Variants in FKBP9 observed in about 807,000 individuals in gnomAD.
FKBP9 encodes the protein FKBP prolyl isomerase 9.
A neutral mutation model predicts 55.6 loss-of-function variants in FKBP9; 27 were observed. The observed-to-expected ratio is 0.49, with a 90% CI of 0.36 to 0.67. The LOEUF (loss-of-function observed/expected upper bound fraction) is 0.67, where lower values mean the gene tolerates loss of function less well. Among genes scored for constraint, FKBP9 ranks in the 30% least tolerant of loss-of-function variants. The probability of loss-of-function intolerance (pLI) is 0.00; values close to 1 mark genes in which losing one functional copy is unlikely to be tolerated. For synonymous variants in FKBP9, 267 were observed against 296.5 expected, an observed-to-expected ratio of 0.90 and a Z score of 1.02; for missense variants, 539 against 742.8, an observed-to-expected ratio of 0.73 and a Z score of 3.19.
At chr7:32,984,548 G>A (rs1784540235) in intron 5 of FKBP9, among the ~76,000 whole-genome samples, 2 of 152,136 alleles carry the variant, frequency 1.3e-5, no homozygotes, top group Admixed American at 1.3e-4. Context: ...ATGAGCCACC[G>A]CACCAGGCCA....
intron 1 of FKBP9, among the ~76,000 whole-genome samples, chr7:32,966,709 C>A (rs1483689121): frequency 6.6e-6 from 1 of 152,034 alleles, no homozygotes; most frequent in Non-Finnish European, 1.5e-5. Context: ...GTACAGGAAG[C>A]ATTGCATGCT....
At chr7:32,998,380 G>A (rs1196920979) in intron 7 of FKBP9, among the ~76,000 whole-genome samples, 1 of 152,184 alleles carries the variant, frequency 6.6e-6, no homozygotes, top group Admixed American at 6.5e-5. Context: ...CCTTCTCGGA[G>A]GCTCCAGGAT....
At chr7:32,970,846 CTTCCT>C (rs1784237586) in intron 1 of FKBP9, among the ~76,000 whole-genome samples, 4 of 151,412 alleles carry the variant, frequency 2.6e-5, no homozygotes. Flanking sequence ...ATTTTTACTT[CTTCCT>C]TTCCAATTTC....
chr7:32,989,573 G>A (rs1467969851), intron 6 of FKBP9, among the ~76,000 whole-genome samples: 5 of 151,748 alleles, frequency 3.3e-5, no homozygotes, highest in African/African-American at 1.2e-4. Context: ...GTGCCACCAC[G>A]CCTGGCTAAT....
chr7:33,001,777 G>C (rs954816611), intron 8 of FKBP9, among the ~76,000 whole-genome samples: 8 of 152,012 alleles, frequency 5.3e-5, no homozygotes, highest in South Asian at 2.1e-4. Flanking sequence ...ATATTGTTCA[G>C]ATTCTAAAAG....
At chr7:32,965,797 C>CAAAAA (rs760247071) in intron 1 of FKBP9, among the ~76,000 whole-genome samples, 31 of 38,544 alleles carry the variant, frequency 8.0e-4, no homozygotes, top group African/African-American at 2.6e-3. Flanking sequence ...GACTCCATGT[C>CAAAAA]AAAAAAAAAA....
intron 6 of FKBP9, 33 bp from the exon 7 acceptor site, chr7:32,996,130 G>T (rs1044890311): frequency 1.5e-5 from 24 of 1,604,786 alleles, no homozygotes; most frequent in Non-Finnish European, 2.0e-5. Flanking sequence ...GCCTGCAGGG[G>T]TCATTCATTA....
At chr7:32,996,385 G>A in intron 7 of FKBP9, 36 bp downstream of exon 7, 1 of 1,504,962 alleles carries the variant, frequency 6.6e-7, no homozygotes. Flanking sequence ...AGTGAGCCTG[G>A]AGGGTGACAG....
At chr7:32,989,632 G>A (rs1784646063) in intron 6 of FKBP9, among the ~76,000 whole-genome samples, 1 of 152,014 alleles carries the variant, frequency 6.6e-6, no homozygotes, top group African/African-American at 2.4e-5. Flanking sequence ...TGTTGGCCAG[G>A]CTAGTCTCAA....
At position 32,996,778 on chromosome 7, in the gene FKBP9, C is replaced by CT. The variant is rs1170596077; in HGVS notation, c.1226+456dup. On this transcript the variant is annotated intron_variant, in intron 7 of 9. Transcript: ENST00000242209. ...TTTTTTTTTTTGATAAAGTCTCACTCTTTTTTTTTTTTTTTTTTTTTTTTT... is the reference window on the plus strand; with the variant it reads ...TTTTTTTTTTTGATAAAGTCTCACTCTTTTTTTTTTTTTTTTTTTTTTTTTT... Among the ~76,000 whole-genome samples, 107 of 32,326 alleles carry CT rather than the reference C, an allele frequency of 3.3e-3. 21 individuals carry two copies. Among genetic ancestry groups the CT allele is most frequent in the African/African-American group, 9.2e-3 (62 of 6,718 alleles). The allele number at this position is 32,326 out of a possible 152,430, so 21.2% of individuals were successfully genotyped here. A position where few individuals can be genotyped will look rare whatever the true frequency, so the allele number is the denominator to read the frequency against.
Position 33,000,088 on chromosome 7 carries a change from A to C in FKBP9, c.1227-27A>C, listed in dbSNP as rs770862136. 3 of 1,614,128 alleles carry C rather than the reference A, an allele frequency of 1.9e-6. No homozygotes were observed. In the Admixed American group the frequency reaches 5.0e-5, roughly 27 times the overall value. On this transcript the variant is annotated intron_variant, in intron 7 of 9. Transcript: ENST00000242209. Reference sequence around the variant, plus strand: ...TCAGTGCCAATGGGTTGGTGACCTAACATGAGGCTCTTCTGTTTCATTTTA... The same window carrying C: ...TCAGTGCCAATGGGTTGGTGACCTACCATGAGGCTCTTCTGTTTCATTTTA...
intron 1 of FKBP9, among the ~76,000 whole-genome samples, chr7:32,964,134 G>A (rs1310322320): frequency 2.0e-5 from 3 of 152,214 alleles, no homozygotes; most frequent in Non-Finnish European, 4.4e-5. Flanking sequence ...GTGCTGAAAC[G>A]GAGGCTGCTA....
intron 7 of FKBP9, among the ~76,000 whole-genome samples, chr7:32,996,774 C>T: frequency 2.9e-5 from 2 of 67,984 alleles, no homozygotes; most frequent in Admixed American, 1.6e-4. Flanking sequence ...GATAAAGTCT[C>T]ACTCTTTTTT....
rs1255183149 is a variant in FKBP9 at position 32,988,722 on chromosome 7, T to TA, written c.1039+70_1039+71insA. 4.2e-6 allele frequency: 6 copies of TA among 1,439,392 alleles called. No individual in the cohort carries two copies. In the African/African-American group the frequency reaches 8.5e-5, roughly 20 times the overall value. The allele number at this position is 1,439,392 out of a possible 1,614,324, so 89.2% of individuals were successfully genotyped here. On this transcript the variant is annotated intron_variant, in intron 6 of 9. Coordinates refer to ENST00000242209, the MANE Select transcript of FKBP9 (RefSeq NM_007270.5). ...TCCACATTGCTTGAAACAGGGCTTCTTTTTCTTTTTCTTCTTTCTTTTTGA... is the reference window on the plus strand; with the variant it reads ...TCCACATTGCTTGAAACAGGGCTTCTATTTTCTTTTTCTTCTTTCTTTTTGA...
intron 6 of FKBP9, chr7:32,989,105 T>C (rs1381182466): frequency 3.9e-5 from 6 of 152,646 alleles, no homozygotes; most frequent in Admixed American, 1.3e-4. Flanking sequence ...CATTTTGCTA[T>C]ATTTGATCTC....
chr7:32,996,320 A>T lies in FKBP9; in HGVS notation c.1197A>T (p.Ser399=), dbSNP rs749330199. ...ACCTCAAATATCACTACAATGCCTC[A>T]CTTCTGGATGGGACCCTGCTGGACT... ...GDYLKYHYNA[S]LLDGTLLDST... The change falls in exon 7 of 10, where the codon TCA becomes TCT. Residue 399 remains serine (S), a synonymous_variant. Coordinates refer to ENST00000242209, the MANE Select transcript of FKBP9 (RefSeq NM_007270.5). 4 of 1,613,862 alleles carry T rather than the reference A, an allele frequency of 2.5e-6. No homozygotes were observed. Among genetic ancestry groups the T allele is most frequent in the Non-Finnish European group, 3.4e-6 (4 of 1,179,820 alleles).
intron 6 of FKBP9, among the ~76,000 whole-genome samples, chr7:32,993,812 C>CA (rs57803982): frequency 0.91 from 135,544 of 148,754 alleles, 61,795 homozygotes; most frequent in Middle Eastern, 0.94. Flanking sequence ...GACTCCATCT[C>CA]AAAAAAAAAA....
At chr7:32,997,545 A>G (rs1403590296) in intron 7 of FKBP9, among the ~76,000 whole-genome samples, 11 of 152,198 alleles carry the variant, frequency 7.2e-5, no homozygotes, top group Non-Finnish European at 1.2e-4. Flanking sequence ...ATTGATGCAC[A>G]GAGGCTGGGT....
At chr7:32,967,021 T>C (rs1452089554) in intron 1 of FKBP9, among the ~76,000 whole-genome samples, 2 of 152,124 alleles carry the variant, frequency 1.3e-5, no homozygotes, top group Non-Finnish European at 2.9e-5. Context: ...TGAAGGTATG[T>C]ATTCCTCTGG....
Sources: allele counts gnomAD v4.1 joint callset (sites outside exome capture counted in the v4.1 genomes callset), GRCh38; gene constraint gnomAD v4.1.1; transcripts MANE v1.5; gene names NCBI Gene and HGNC (gene_info 2026-07-23, HGNC 2026-07-21).